The following TARBP2 variants were observed in gnomAD, a reference collection of about 807,000 sequenced individuals.
TARBP2 encodes RISC-loading complex subunit TARBP2.
TARBP2 carries 23 observed loss-of-function variants against 40.4 expected under a neutral mutation model. The ratio of observed to expected loss-of-function variants is 0.57; its 90% CI spans 0.41 to 0.81. TARBP2 has a LOEUF of 0.81. TARBP2 is among the 30% of genes least tolerant of loss of function. TARBP2 has a pLI of 0.00. For synonymous variants in TARBP2, 183 were observed against 190.5 expected, an observed-to-expected ratio of 0.96 and a Z score of 0.32; for missense variants, 358 against 473.7, an observed-to-expected ratio of 0.76 and a Z score of 2.27.
chr12:53,502,137 A>G lies in TARBP2; in HGVS notation c.176A>G (p.Gln59Arg). The change falls in exon 2 of 9, where the codon CAG becomes CGG. Residue 59 changes from glutamine (Q) to arginine (R), a missense_variant. Around this residue, in one of 3 missense-constraint regions of TARBP2, gnomAD observed 317 missense variants for 422.9 expected, o/e 0.75. Coordinates refer to ENST00000266987, the MANE Select transcript of TARBP2 (RefSeq NM_134323.2). ...CTCAAAGCCGAGGGCCAAGCCCACC[A>G]GCCTAATTTCACCTTCCGGGTCACC... ...DLLKAEGQAHQPNFTFRVTVG... is the reference protein window; with the variant it reads ...DLLKAEGQAHRPNFTFRVTVG... The G allele has an allele frequency of 6.2e-7, 1 of 1,614,230 alleles. No individual in the cohort carries two copies. Among genetic ancestry groups the G allele is most frequent in the Non-Finnish European group, 8.5e-7 (1 of 1,180,040 alleles).
Position 53,506,274 on chromosome 12 carries a change from C to A in TARBP2, c.*126C>A. The stretch of plus-strand genomic sequence containing the variant: ...CTCTACCTCTGACACAGACTGCCTG[C>A]CTTGAAGCTGAGAAGGCACAGGGCA... On this transcript the variant is annotated 3_prime_UTR_variant, in exon 9 of 9. Transcript: ENST00000266987. 1 of 1,269,914 alleles carries A rather than the reference C, an allele frequency of 7.9e-7. No homozygotes were observed. The highest frequency in any genetic ancestry group is 1.1e-6 in the Non-Finnish European group (1 of 938,054). 78.7% of individuals were successfully genotyped at this position (1,269,914 alleles called of 1,614,324 possible). A position where few individuals can be genotyped will look rare whatever the true frequency, so the allele number is the denominator to read the frequency against.
At chr12:53,502,975 T>C (rs1943786986) in intron 2 of TARBP2, 52 bp from the exon 3 acceptor site, 1 of 1,505,934 alleles carries the variant, frequency 6.6e-7, no homozygotes, top group South Asian at 1.3e-5. Flanking sequence ...GATGCTGGTT[T>C]CTTTCCCGTC....
chr12:53,505,729 G>C lies in TARBP2; in HGVS notation c.822G>C (p.Glu274Asp). Residue 274 changes from glutamate (E) to aspartate (D), a missense_variant, in exon 8 of 9, where the codon GAG becomes GAC. Coordinates refer to ENST00000266987, the MANE Select transcript of TARBP2 (RefSeq NM_134323.2). The surrounding 1 kb of genome is among the most constrained non-coding windows in gnomAD (Gnocchi z 4.5). ...ATTCTCTACGAAATTCAGTAGGAGA[G>C]AAGATCCTGTCCCTCCGCAGTTGCT... The part of the protein sequence containing the change: ...TWDSLRNSVG[E>D]KILSLRSCSL... 3 of 1,614,098 alleles carry C rather than the reference G, an allele frequency of 1.9e-6. No individual in the cohort carries two copies. Among genetic ancestry groups the C allele is most frequent in the Non-Finnish European group, 2.5e-6 (3 of 1,179,986 alleles).
At chr12:53,503,669 C>G in intron 3 of TARBP2, 44 bp from the exon 4 acceptor site, 1 of 1,438,172 alleles carries the variant, frequency 7.0e-7, no homozygotes, top group Non-Finnish European at 9.8e-7. Context: ...CTCTCTTCCC[C>G]CTATACATGG....
chr12:53,502,205 C>G, intron 2 of TARBP2, 21 bp downstream of exon 2: 1 of 1,613,540 alleles, frequency 6.2e-7, no homozygotes, highest in Non-Finnish European at 8.5e-7. Context: ...CTTGGGCAGC[C>G]TGGCTGGGGT....
chr12:53,503,334 G>A (rs1469663858), intron 3 of TARBP2: 2 of 1,238,774 alleles, frequency 1.6e-6, no homozygotes, highest in African/African-American at 3.1e-5. Flanking sequence ...TAGCCCCATA[G>A]AGGGGTTGTG....
intron 5 of TARBP2, 42 bp from the exon 6 acceptor site, chr12:53,504,656 T>A: frequency 6.2e-7 from 1 of 1,613,866 alleles, no homozygotes. Context: ...GTGAGAAGCC[T>A]TTTTTCACTC....
At chr12:53,503,395 CTAAAGGGAGT>C in intron 3 of TARBP2, 1 of 680,606 alleles carries the variant, frequency 1.5e-6, no homozygotes. Context: ...AGGCTTGAGG[CTAAAGGGAGT>C]TACTCCCCAA....
chr12:53,503,280 G>C (rs1943802475), intron 3 of TARBP2, 151 bp downstream of exon 3: 2 of 1,396,574 alleles, frequency 1.4e-6, no homozygotes, highest in Non-Finnish European at 1.9e-6. Flanking sequence ...GGGTTTTCCA[G>C]GGCTTCTGCT....
In TARBP2 at chr12:53,505,048, G is replaced by C. The variant is rs1943907781; in HGVS notation, c.614-87G>C. On this transcript the variant is annotated intron_variant, in intron 6 of 8. Transcript: ENST00000266987. This position sits in a 1 kb window ranked among gnomAD's most constrained non-coding sequence, Gnocchi z 4.5. ...AGTTCCCCTTTCCAGTTGACATTCT[G>C]GGGGGACCCTCAATCCAAGTATGAC... 1 of 1,532,360 alleles carries C rather than the reference G, an allele frequency of 6.5e-7. No homozygotes were observed. Among genetic ancestry groups the C allele is most frequent in the Non-Finnish European group, 8.8e-7 (1 of 1,134,200 alleles). 94.9% of individuals were successfully genotyped at this position (1,532,360 alleles called of 1,614,324 possible).
rs1565898900 is a variant in TARBP2, at chr12:53,503,091, A to C, written c.288A>C (p.Lys96Asn). 4 of 1,550,890 alleles carry C rather than the reference A, an allele frequency of 2.6e-6. No homozygotes were observed. Among genetic ancestry groups the C allele is most frequent in the Non-Finnish European group, 3.5e-6 (4 of 1,146,586 alleles). The stretch of plus-strand genomic sequence containing the variant: ...CTGAGGTGGCCCTCAAACACCTCAA[A>C]GGGGGGAGCATGCTGGAGCCGGCCC... ...KAAEVALKHL[K>N]GGSMLEPALE... is the part of the protein sequence containing the mutation. The change falls in exon 3 of 9, where the codon AAA (lysine) becomes AAC (asparagine). Residue 96 changes from lysine (K) to asparagine (N), a missense_variant. Lys to Asn is a moderately conservative substitution (Grantham distance 94). Coordinates refer to ENST00000266987, the MANE Select transcript of TARBP2 (RefSeq NM_134323.2).
Position 53,501,365 on chromosome 12 carries a change from T to G in TARBP2, c.-44T>G, listed in dbSNP as rs1316028056. On this transcript the variant is annotated 5_prime_UTR_variant, in exon 1 of 9. Transcript: ENST00000266987. The stretch of plus-strand genomic sequence containing the variant: ...CTCGTCGGCTGTGTATTGGGGCGCG[T>G]GGAGGCTGCAGTCACGGTGGCGCCC... 1 of 1,550,804 alleles carries G rather than the reference T, an allele frequency of 6.4e-7. No homozygotes were observed. The highest frequency in any genetic ancestry group is 8.7e-7 in the Non-Finnish European group (1 of 1,146,892).
At chr12:53,504,306 G>A in intron 4 of TARBP2, 91 bp from the exon 5 acceptor site, 1 of 1,209,260 alleles carries the variant, frequency 8.3e-7, no homozygotes, top group Non-Finnish European at 1.2e-6. Context: ...ATGGTAGTCA[G>A]GAATCTAAAG....
In TARBP2 at chr12:53,501,515, G is replaced by A. The variant is rs144471521; in HGVS notation, c.53+54G>A. The A allele has an allele frequency of 9.0e-6, 14 of 1,549,988 alleles. No individual in the cohort carries two copies. In the East Asian group the frequency reaches 3.2e-4, roughly 35 times the overall value. On this transcript the variant is annotated intron_variant, in intron 1 of 8. Coordinates refer to ENST00000266987, the MANE Select transcript of TARBP2 (RefSeq NM_134323.2). ...GGCGAAAAGCGTGGGGCCGTGCGGAGGGAGTAGCGGCGCGGCCCCAGCATG... is the reference window on the plus strand; with the variant it reads ...GGCGAAAAGCGTGGGGCCGTGCGGAAGGAGTAGCGGCGCGGCCCCAGCATG...
rs775456304 is a variant in TARBP2 at position 53,505,980 on chromosome 12, T to C, written c.944-11T>C. ...CCCAACATTGCCTCCCTCCTCTCTC[T>C]TGCTCTCCAGAGGAGCTGAGCCTGA... is the stretch of plus-strand genomic sequence containing the variant. On this transcript the variant is annotated splice_polypyrimidine_tract_variant and intron_variant, in intron 8 of 8. Coordinates refer to ENST00000266987, the MANE Select transcript of TARBP2 (RefSeq NM_134323.2). This position sits in a 1 kb window ranked among gnomAD's most constrained non-coding sequence, Gnocchi z 4.5. 3 of 1,612,780 alleles carry C rather than the reference T, an allele frequency of 1.9e-6. No individual in the cohort carries two copies. The highest frequency in any genetic ancestry group is 1.1e-5 in the South Asian group (1 of 91,036).
In TARBP2 at chr12:53,506,282, C is replaced by G. The variant is rs574204578; in HGVS notation, c.*134C>G. The stretch of plus-strand genomic sequence containing the variant: ...CTGACACAGACTGCCTGCCTTGAAG[C>G]TGAGAAGGCACAGGGCAAGGAGCCA... On this transcript the variant is annotated 3_prime_UTR_variant, in exon 9 of 9. Coordinates refer to ENST00000266987, the MANE Select transcript of TARBP2 (RefSeq NM_134323.2). The G allele has an allele frequency of 6.7e-6, 8 of 1,201,276 alleles. No individual in the cohort carries two copies. In the African/African-American group the frequency reaches 1.1e-4, roughly 16 times the overall value. 74.4% of individuals were successfully genotyped at this position (1,201,276 alleles called of 1,614,324 possible). A position where few individuals can be genotyped will look rare whatever the true frequency, so the allele number is the denominator to read the frequency against.
At chr12:53,502,516 C>T (rs1943761222) in intron 2 of TARBP2, 1 of 314,534 alleles carries the variant, frequency 3.2e-6, no homozygotes, top group South Asian at 4.0e-5. Context: ...GGTGCTTAAC[C>T]AAATTCCCGT....
chr12:53,502,961 G>A, intron 2 of TARBP2, 66 bp from the exon 3 acceptor site: 3 of 1,480,188 alleles, frequency 2.0e-6, no homozygotes, highest in Non-Finnish European at 2.7e-6. Flanking sequence ...GAGAGAGGCT[G>A]TGGGATGCTG....
rs1176338517 is a variant in TARBP2, at chr12:53,505,009, A to T, written c.614-126A>T. 5.3e-6 allele frequency: 8 copies of T among 1,496,464 alleles called. No homozygotes were observed. Among genetic ancestry groups the T allele is most frequent in the Non-Finnish European group, 6.3e-6 (7 of 1,107,148 alleles). The allele number at this position is 1,496,464 out of a possible 1,614,324, so 92.7% of individuals were successfully genotyped here. A position where few individuals can be genotyped will look rare whatever the true frequency, so the allele number is the denominator to read the frequency against. On this transcript the variant is annotated intron_variant, in intron 6 of 8. Transcript: ENST00000266987. The surrounding 1 kb of genome is among the most constrained non-coding windows in gnomAD (Gnocchi z 4.5). ...TCTGGCTGACCAGGTTCTCACGTGC[A>T]TGGGCAGGTCTTGAGTTCCCCTTTC...
Sources: allele counts gnomAD v4.1 joint callset, GRCh38; gene constraint gnomAD v4.1.1; regional missense constraint gnomAD v4.1.1; non-coding constraint Gnocchi (gnomAD v3.1); transcripts MANE v1.5; gene names NCBI Gene and HGNC (gene_info 2026-07-23, HGNC 2026-07-21).